Variants in SEMA3E observed in about 807,000 individuals in gnomAD.
SEMA3E encodes the protein semaphorin 3E.
SEMA3E carries 49 observed loss-of-function variants against 93.6 expected under a neutral mutation model. That is an observed-to-expected ratio of 0.52 (90% CI 0.42 to 0.66). The LOEUF is 0.66. SEMA3E is among the 30% of genes least tolerant of loss of function. SEMA3E has a pLI of 0.00. For synonymous variants in SEMA3E, 363 were observed against 330.7 expected (o/e 1.10, Z -1.06); for missense variants, 906 against 964.8 (o/e 0.94, Z 0.81).
At chr7:83,390,088 T>C (rs549013549) in intron 14 of SEMA3E, among the ~76,000 whole-genome samples, 5 of 131,462 alleles carry the variant, frequency 3.8e-5, no homozygotes, top group African/African-American at 1.4e-4. Context: ...CGTGTGCACA[T>C]ATATGCGCGT....
Position 83,629,642 on chromosome 7 carries a change from C to A in SEMA3E, c.115+18786G>T, listed in dbSNP as rs190111825. Among the ~76,000 whole-genome samples the A allele has an allele frequency of 9.2e-5, 14 of 152,256 alleles. No individual in the cohort carries two copies. In the East Asian group the frequency reaches 9.7e-4, roughly 11 times the overall value. ...TCAGTAATGGCAGACGCCCCTCCCC[C>A]CAAGCTTGAGTGTCCCAGGTCACCT... On this transcript the variant is annotated intron_variant, in intron 1 of 16. Coordinates refer to ENST00000643230, the MANE Select transcript of SEMA3E (RefSeq NM_012431.3).
At chr7:83,540,785 A>AAC (rs141305041) in intron 1 of SEMA3E, among the ~76,000 whole-genome samples, 33,501 of 152,128 alleles carry the variant, frequency 0.22, 3,866 homozygotes, top group East Asian at 0.39. Flanking sequence ...GTAAATCTGA[A>AAC]ACAATTAAAT....
intron 1 of SEMA3E, among the ~76,000 whole-genome samples, chr7:83,615,462 G>A (rs533893096): frequency 7.9e-5 from 12 of 152,042 alleles, no homozygotes; most frequent in Admixed American, 3.9e-4. Flanking sequence ...TGACCCAGAG[G>A]AAAAAATAGG....
intron 1 of SEMA3E, among the ~76,000 whole-genome samples, chr7:83,536,837 T>A (rs1791419522): frequency 6.6e-6 from 1 of 152,154 alleles, no homozygotes; most frequent in Non-Finnish European, 1.5e-5. Flanking sequence ...TTAGTTTCCA[T>A]TTTATTCAAA....
intron 1 of SEMA3E, among the ~76,000 whole-genome samples, chr7:83,614,628 A>G (rs1242186128): frequency 6.6e-6 from 1 of 151,888 alleles, no homozygotes; most frequent in Non-Finnish European, 1.5e-5. Context: ...TACATATCCA[A>G]AGTAGGTGTT....
chr7:83,414,789 T>C (rs913042357), intron 5 of SEMA3E, among the ~76,000 whole-genome samples: 4 of 152,186 alleles, frequency 2.6e-5, no homozygotes, highest in Admixed American at 1.3e-4. Flanking sequence ...AGGGTGTTTT[T>C]TTCCCCAAAC....
At chr7:83,414,664 A>G (rs901407326) in intron 5 of SEMA3E, among the ~76,000 whole-genome samples, 2 of 152,148 alleles carry the variant, frequency 1.3e-5, no homozygotes, top group Non-Finnish European at 2.9e-5. Context: ...CTTATTAGTG[A>G]TTATTTGTTA....
chr7:83,621,389 A>G (rs1053855752), intron 1 of SEMA3E, among the ~76,000 whole-genome samples: 1 of 152,242 alleles, frequency 6.6e-6, no homozygotes, highest in African/African-American at 2.4e-5. Context: ...AAGGATAGGA[A>G]GAATCAATAT....
chr7:83,499,148 A>T (rs1405665297), intron 1 of SEMA3E, among the ~76,000 whole-genome samples: 2 of 152,196 alleles, frequency 1.3e-5, no homozygotes, highest in South Asian at 4.1e-4. Flanking sequence ...TGGGCATTTG[A>T]AATCTTTTAA....
At chr7:83,375,811 G>A (rs932249217) in intron 16 of SEMA3E, among the ~76,000 whole-genome samples, 2 of 151,934 alleles carry the variant, frequency 1.3e-5, no homozygotes, top group Admixed American at 1.3e-4. Flanking sequence ...ACAGAACAGA[G>A]TTCAGTTAAA....
intron 2 of SEMA3E, among the ~76,000 whole-genome samples, chr7:83,486,416 G>A (rs1175579592): frequency 1.3e-5 from 2 of 151,982 alleles, no homozygotes; most frequent in Non-Finnish European, 2.9e-5. Flanking sequence ...CACAACGGGA[G>A]AGATTTAAAA....
At position 83,566,707 on chromosome 7, in the gene SEMA3E, A is replaced by G. The variant is rs533456289; in HGVS notation, c.116-76433T>C. On this transcript the variant is annotated intron_variant, in intron 1 of 16. Coordinates refer to ENST00000643230, the MANE Select transcript of SEMA3E (RefSeq NM_012431.3). ...AATTACTTTTCCCCTTAAGAACATA[A>G]TCTGGAAGCTAAAGAATGATATCCA... Among the ~76,000 whole-genome samples, 21 of 152,292 alleles carry G rather than the reference A, an allele frequency of 1.4e-4. No individual in the cohort carries two copies. The Middle Eastern group carries it at 0.01, about 74-fold the overall frequency.
chr7:83,464,130 C>G (rs907260919), intron 4 of SEMA3E, among the ~76,000 whole-genome samples: 2 of 151,928 alleles, frequency 1.3e-5, no homozygotes, highest in African/African-American at 4.8e-5. Flanking sequence ...TTCAGTGAAA[C>G]CTTTATATCC....
At chr7:83,438,869 G>A (rs1423823164) in intron 4 of SEMA3E, among the ~76,000 whole-genome samples, 1 of 152,048 alleles carries the variant, frequency 6.6e-6, no homozygotes, top group Admixed American at 6.6e-5. Context: ...TAATTATTTA[G>A]ACGTTTAGAC....
At chr7:83,503,197 A>G (rs572052450) in intron 1 of SEMA3E, among the ~76,000 whole-genome samples, 1 of 152,228 alleles carries the variant, frequency 6.6e-6, no homozygotes, top group East Asian at 1.9e-4. Context: ...ATCAGTGTAA[A>G]CAGCTACTGC....
At chr7:83,605,956 A>G (rs1793108803) in intron 1 of SEMA3E, among the ~76,000 whole-genome samples, 1 of 152,070 alleles carries the variant, frequency 6.6e-6, no homozygotes, top group East Asian at 1.9e-4. Context: ...TCTTAATTAG[A>G]TTCCATTTGT....
chr7:83,623,009 A>T (rs184220324), intron 1 of SEMA3E, among the ~76,000 whole-genome samples: 1 of 152,272 alleles, frequency 6.6e-6, no homozygotes, highest in East Asian at 1.9e-4. Flanking sequence ...AATAAATAAA[A>T]AAATAAGCAT....
intron 1 of SEMA3E, among the ~76,000 whole-genome samples, chr7:83,534,886 G>T (rs1327856292): frequency 6.6e-6 from 1 of 152,160 alleles, no homozygotes; most frequent in Non-Finnish European, 1.5e-5. Context: ...AAGGAATGAG[G>T]ATCTAAATCA....
chr7:83,484,254 C>G (rs1763127997), intron 2 of SEMA3E, among the ~76,000 whole-genome samples: 1 of 152,176 alleles, frequency 6.6e-6, no homozygotes, highest in Non-Finnish European at 1.5e-5. Context: ...TCTCTAAATT[C>G]ACCTACTCAA....
Sources: allele counts gnomAD v4.1 joint callset (sites outside exome capture counted in the v4.1 genomes callset), GRCh38; gene constraint gnomAD v4.1.1; transcripts MANE v1.5; gene names NCBI Gene and HGNC (gene_info 2026-07-23, HGNC 2026-07-21).